The following AFAP1L2 variants were observed in gnomAD, a reference collection of about 807,000 sequenced individuals.
AFAP1L2 encodes the protein actin filament associated protein 1 like 2.
A neutral mutation model predicts 99.3 loss-of-function variants in AFAP1L2; 46 were observed. The ratio of observed to expected loss-of-function variants is 0.46; its 90% CI spans 0.37 to 0.59. The LOEUF (loss-of-function observed/expected upper bound fraction) is 0.59. Among genes scored for constraint, AFAP1L2 ranks in the 20% least tolerant of loss-of-function variants. The pLI, the probability that AFAP1L2 is intolerant of heterozygous loss-of-function variation, is 0.00. For synonymous variants in AFAP1L2, 397 were observed against 419.1 expected (o/e 0.95, Z 0.64); for missense variants, 959 against 1,034.9 (o/e 0.93, Z 1.01).
intron 1 of AFAP1L2, among the ~76,000 whole-genome samples, chr10:114,373,085 A>T (rs887721917): frequency 5.3e-5 from 8 of 152,164 alleles, no homozygotes; most frequent in Non-Finnish European, 8.8e-5. Flanking sequence ...CTATAAAAAA[A>T]TTTTAAAATT....
intron 1 of AFAP1L2, among the ~76,000 whole-genome samples, chr10:114,384,428 A>G (rs2056225710): frequency 6.6e-6 from 1 of 152,008 alleles, no homozygotes; most frequent in Non-Finnish European, 1.5e-5. Flanking sequence ...GCCTCCATTT[A>G]GGGCCGCTGT....
intron 1 of AFAP1L2, among the ~76,000 whole-genome samples, chr10:114,388,349 C>T (rs1454395959): frequency 1.3e-5 from 2 of 152,096 alleles, no homozygotes; most frequent in African/African-American, 4.8e-5. Flanking sequence ...CCTGGTTCTC[C>T]CCACAGCAGG....
At chr10:114,289,604 C>T in the AFAP1L2 span, 5 of 1,218,686 alleles carry the variant, frequency 4.1e-6, no homozygotes, top group Non-Finnish European at 5.9e-6. Flanking sequence ...GCACTTGCTT[C>T]CCAAGTGCCA....
At chr10:114,289,379 TA>T in the AFAP1L2 span, 1 of 1,614,018 alleles carries the variant, frequency 6.2e-7, no homozygotes, top group Non-Finnish European at 8.5e-7. Flanking sequence ...GGGCCTGTCC[TA>T]AGTGAGGGTC....
chr10:114,396,172 C>T lies in AFAP1L2; in HGVS notation c.16+8268G>A, dbSNP rs574963220. Among the ~76,000 whole-genome samples, 9 of 152,260 alleles carry T rather than the reference C, an allele frequency of 5.9e-5. No homozygotes were observed. The South Asian group carries it at 1.7e-3, about 28-fold the overall frequency. On this transcript the variant is annotated intron_variant, in intron 1 of 18. Transcript: ENST00000304129. The stretch of plus-strand genomic sequence containing the variant: ...ATGACCTCAGCCCATGTAGTCCTCA[C>T]GGATGGAAGTTCCACAGCCTTCCAA...
intron 1 of AFAP1L2, among the ~76,000 whole-genome samples, chr10:114,390,230 C>G (rs2056971225): frequency 6.6e-6 from 1 of 152,176 alleles, no homozygotes; most frequent in Non-Finnish European, 1.5e-5. Context: ...GCCATTGCTT[C>G]TACTGCTGCA....
At position 114,308,425 on chromosome 10, in the gene AFAP1L2, G is replaced by C. The variant is rs1259148875; in HGVS notation, c.967+8C>G. Reference sequence around the variant, plus strand: ...GACACCATTCCCCTCCCAACCACATGATGTTACCGTCTTTGGTTTCTGGGA... The same window carrying C: ...GACACCATTCCCCTCCCAACCACATCATGTTACCGTCTTTGGTTTCTGGGA... On this transcript the variant is annotated splice_region_variant and intron_variant, in intron 9 of 18. Coordinates refer to ENST00000304129, the MANE Select transcript of AFAP1L2 (RefSeq NM_001001936.3). 4 of 1,612,806 alleles carry C rather than the reference G, an allele frequency of 2.5e-6. No homozygotes were observed. In the South Asian group the frequency reaches 4.4e-5, roughly 18 times the overall value.
At chr10:114,404,504 C>T (rs2058546173), upstream of AFAP1L2, 2 of 1,523,726 alleles carry the variant, frequency 1.3e-6, no homozygotes, top group Middle Eastern at 1.8e-4. Flanking sequence ...CGCTGCTCTC[C>T]CGGCGCTCGG....
intron 13 of AFAP1L2, 87 bp from the exon 14 acceptor site, chr10:114,300,777 G>C (rs1243090700): frequency 2.0e-6 from 3 of 1,495,650 alleles, no homozygotes; most frequent in Non-Finnish European, 2.7e-6. Context: ...TCACAGTTCT[G>C]GTGCCCATCT....
At chr10:114,319,098 G>A (rs1195991821) in intron 5 of AFAP1L2, among the ~76,000 whole-genome samples, 1 of 152,188 alleles carries the variant, frequency 6.6e-6, no homozygotes, top group Non-Finnish European at 1.5e-5. Context: ...AGGTTGCAGT[G>A]AGCCAAGATC....
Position 114,311,961 on chromosome 10 carries a change from A to G in AFAP1L2, c.793-1518T>C. Among the ~76,000 whole-genome samples the G allele has an allele frequency of 1.3e-5, 2 of 152,216 alleles. 1 individual carries two copies. The highest frequency in any genetic ancestry group is 1.3e-4 in the Admixed American group (2 of 15,290). ...GACCAGCCCCCACTGCCAAAGCGCA[A>G]GAGTGGGCGGCTTCTGAGAGCAGGC... On this transcript the variant is annotated intron_variant, in intron 7 of 18. Transcript: ENST00000304129.
intron 1 of AFAP1L2, among the ~76,000 whole-genome samples, chr10:114,398,264 G>T (rs1223266983): frequency 6.6e-6 from 1 of 152,052 alleles, no homozygotes; most frequent in Non-Finnish European, 1.5e-5. Flanking sequence ...GAAAAGTCAG[G>T]CAGGGCTAGG....
chr10:114,362,430 G>C (rs1204066232), intron 1 of AFAP1L2, among the ~76,000 whole-genome samples: 1 of 152,212 alleles, frequency 6.6e-6, no homozygotes, highest in Non-Finnish European at 1.5e-5. Flanking sequence ...AGGAAGAAGA[G>C]GGAGATCCAA....
intron 1 of AFAP1L2, among the ~76,000 whole-genome samples, chr10:114,396,334 C>T (rs1337402413): frequency 3.3e-5 from 5 of 152,168 alleles, no homozygotes; most frequent in Non-Finnish European, 7.3e-5. Flanking sequence ...AAGGAAAACA[C>T]CAAGATCTTA....
At chr10:114,290,180 G>A (rs2039427373), downstream of AFAP1L2, 1 of 1,539,116 alleles carries the variant, frequency 6.5e-7, no homozygotes. Flanking sequence ...CTTAGGGTAG[G>A]GGTCTTCGGG....
chr10:114,338,015 G>A (rs1339527125), intron 2 of AFAP1L2, among the ~76,000 whole-genome samples: 3 of 152,212 alleles, frequency 2.0e-5, no homozygotes, highest in Non-Finnish European at 4.4e-5. Flanking sequence ...AAAGCCTTCA[G>A]GAGCATGGGA....
intron 4 of AFAP1L2, among the ~76,000 whole-genome samples, chr10:114,327,915 C>T (rs770156996): frequency 4.1e-4 from 63 of 152,350 alleles, no homozygotes; most frequent in Non-Finnish European, 7.1e-4. Context: ...GTGGACAGGC[C>T]AGGCCCAGCC....
chr10:114,349,400 AAAAG>A (rs1234927209), intron 1 of AFAP1L2, among the ~76,000 whole-genome samples: 3 of 108,128 alleles, frequency 2.8e-5, no homozygotes, highest in African/African-American at 5.7e-5. Flanking sequence ...AAAAAAAAAA[AAAAG>A]AAAAGAAAAG....
intron 3 of AFAP1L2, 151 bp downstream of exon 3, chr10:114,333,070 C>T (rs754559286): frequency 2.1e-5 from 14 of 682,926 alleles, no homozygotes; most frequent in Non-Finnish European, 3.5e-5. Flanking sequence ...ACCCAAAATA[C>T]GACCAACAAA....
Sources: gnomAD v4.1 joint callset for allele counts (sites outside exome capture counted in the v4.1 genomes callset) on GRCh38, gnomAD v4.1.1 for gene constraint, MANE v1.5 for transcripts, NCBI Gene and HGNC (gene_info 2026-07-23, HGNC 2026-07-21) for gene names.